SPRY3: variants seen among roughly 807,000 people sequenced by gnomAD.
SPRY3 encodes the protein sprouty RTK signaling antagonist 3, also known as protein sprouty homolog 3.
Under a neutral mutation model 20.2 loss-of-function variants are expected in SPRY3, and 15 were observed. The observed-to-expected ratio is 0.74, with a 90% CI of 0.50 to 1.14. The LOEUF (loss-of-function observed/expected upper bound fraction) is 1.14. Ranked by LOEUF, SPRY3 falls within the 50% of genes most tolerant of loss-of-function variation. The probability of loss-of-function intolerance (pLI) is 0.00; values close to 1 mark genes in which losing one functional copy is unlikely to be tolerated. For missense variants in SPRY3, 364 were observed against 363.9 expected, an observed-to-expected ratio of 1.00 and a Z score of 0.00; for synonymous variants, 143 against 136.5, an observed-to-expected ratio of 1.05 and a Z score of -0.33.
At chrX:155,767,591 G>A in intron 2 of SPRY3, among the ~76,000 whole-genome samples, 1 of 149,422 alleles carries the variant, frequency 6.7e-6, no homozygotes, top group Non-Finnish European at 1.5e-5. Flanking sequence ...AGAAGGGGAG[G>A]AGGGAAAGGG....
intron 2 of SPRY3, among the ~76,000 whole-genome samples, chrX:155,706,403 A>G (rs1460487738): frequency 6.6e-6 from 1 of 151,164 alleles, no homozygotes; most frequent in Admixed American, 6.6e-5. Flanking sequence ...AAATTCTTAT[A>G]TTAGGAAATA....
intron 2 of SPRY3, among the ~76,000 whole-genome samples, chrX:155,715,025 A>G (rs764037890): frequency 8.5e-5 from 13 of 152,264 alleles, no homozygotes; most frequent in Non-Finnish European, 1.3e-4. Context: ...CTAAGAGCCT[A>G]GGCCAGTACT....
chrX:155,706,845 A>C (rs1275654412), intron 2 of SPRY3, among the ~76,000 whole-genome samples: 1 of 150,984 alleles, frequency 6.6e-6, no homozygotes, highest in Admixed American at 6.6e-5. Context: ...CTGTAGTTAA[A>C]ATTTTCCATA....
intron 3 of SPRY3, among the ~76,000 whole-genome samples, chrX:155,772,170 T>C (rs1460002774): frequency 6.6e-6 from 1 of 152,232 alleles, no homozygotes; most frequent in African/African-American, 2.4e-5. Context: ...GGTTCTTTGA[T>C]GTGATATGCC....
At chrX:155,669,907 C>T (rs868913109) in intron 2 of SPRY3, 4 of 110,946 alleles carry the variant, frequency 3.6e-5, no homozygotes, top group Non-Finnish European at 7.6e-5. Context: ...GGCCATCTCT[C>T]ATAGTGAAAT....
chrX:155,705,801 T>C, intron 2 of SPRY3, among the ~76,000 whole-genome samples: 1 of 151,254 alleles, frequency 6.6e-6, no homozygotes, highest in Non-Finnish European at 1.5e-5. Context: ...GGATCAACTC[T>C]CCAAAAGACA....
chrX:155,774,287 A>T, exon 4 of SPRY3: 1 of 1,614,010 alleles, frequency 6.2e-7, no homozygotes, highest in Non-Finnish European at 8.5e-7. Context: ...TCTGCAGGGC[A>T]CCCTAGTGAG....
intron 2 of SPRY3, among the ~76,000 whole-genome samples, chrX:155,661,022 C>G (rs1557353637): frequency 9.0e-6 from 1 of 111,229 alleles, no homozygotes; most frequent in Non-Finnish European, 1.9e-5. Context: ...ATTCCATTTG[C>G]TTTCAAGATT....
At chrX:155,736,610 TTTTCTC>T (rs1466714148) in intron 2 of SPRY3, among the ~76,000 whole-genome samples, 2 of 152,044 alleles carry the variant, frequency 1.3e-5, no homozygotes, top group African/African-American at 4.8e-5. Context: ...TCCTTCAAGA[TTTTCTC>T]TTTATCTTTG....
intron 2 of SPRY3, among the ~76,000 whole-genome samples, chrX:155,666,678 G>A (rs1300459897): frequency 7.2e-5 from 8 of 111,499 alleles, no homozygotes; most frequent in East Asian, 2.8e-4. Context: ...TGTGTTGAAC[G>A]TGTGGGATGA....
intron 2 of SPRY3, among the ~76,000 whole-genome samples, chrX:155,765,431 T>C (rs374278074): frequency 6.6e-6 from 1 of 152,182 alleles, no homozygotes; most frequent in Non-Finnish European, 1.5e-5. Flanking sequence ...CTCATAGGTT[T>C]GTTGTGAGAA....
intron 2 of SPRY3, among the ~76,000 whole-genome samples, chrX:155,695,370 T>C (rs918643949): frequency 2.7e-5 from 3 of 111,794 alleles, no homozygotes; most frequent in Non-Finnish European, 3.8e-5. Context: ...TGTTTTCTTC[T>C]ATGTAATGTG....
intron 1 of SPRY3, among the ~76,000 whole-genome samples, chrX:155,627,757 C>T (rs1310349758): frequency 9.1e-6 from 1 of 109,681 alleles, no homozygotes; most frequent in Admixed American, 9.7e-5. Context: ...ACCTATCAAC[C>T]CATCATCTAG....
At chrX:155,769,276 G>A in intron 3 of SPRY3, among the ~76,000 whole-genome samples, 1 of 152,298 alleles carries the variant, frequency 6.6e-6, no homozygotes, top group Non-Finnish European at 1.5e-5. Flanking sequence ...TTGAGGAGTT[G>A]AGTAGTGAGG....
intron 2 of SPRY3, among the ~76,000 whole-genome samples, chrX:155,713,192 A>G (rs1201787614): frequency 1.3e-5 from 2 of 152,056 alleles, no homozygotes; most frequent in Non-Finnish European, 2.9e-5. Context: ...TGCTGCACCT[A>G]TCAACCCGTC....
chrX:155,653,713 T>C (rs1287030691), intron 1 of SPRY3, among the ~76,000 whole-genome samples: 1 of 112,380 alleles, frequency 8.9e-6, no homozygotes, highest in East Asian at 2.8e-4. Context: ...TTTTGTTTTC[T>C]AAATTGATTT....
chrX:155,640,446 C>T (rs1229717701), intron 1 of SPRY3, among the ~76,000 whole-genome samples: 1 of 112,229 alleles, frequency 8.9e-6, no homozygotes, highest in Non-Finnish European at 1.9e-5. Flanking sequence ...CTGCAGACCT[C>T]AATCTATAGA....
chrX:155,672,178 G>C (rs1249968153), intron 2 of SPRY3, among the ~76,000 whole-genome samples: 2 of 111,121 alleles, frequency 1.8e-5, no homozygotes, highest in East Asian at 5.6e-4. Flanking sequence ...TTCCAATTCT[G>C]TGAAGAAAGT....
chrX:155,625,813 A>G (rs1487625233), intron 1 of SPRY3, among the ~76,000 whole-genome samples: 1 of 111,832 alleles, frequency 8.9e-6, no homozygotes, highest in Non-Finnish European at 1.9e-5. Context: ...TATATAAATC[A>G]AATAATACAA....
Sources: allele counts gnomAD v4.1 joint callset (sites outside exome capture counted in the v4.1 genomes callset), GRCh38; gene constraint gnomAD v4.1.1; transcripts MANE v1.5; gene names NCBI Gene and HGNC (gene_info 2026-07-23, HGNC 2026-07-21).